The following OLFM2 variants were observed in gnomAD, a reference collection of about 807,000 sequenced individuals.
OLFM2 encodes olfactomedin 2.
OLFM2 carries 20 observed loss-of-function variants against 43.9 expected under a neutral mutation model. The observed-to-expected ratio is 0.46, with a 90% CI of 0.32 to 0.66. OLFM2 has a LOEUF of 0.66. Ranked by LOEUF, OLFM2 falls within the 30% of genes least tolerant of loss-of-function variation. OLFM2 has a pLI of 0.04. For missense variants in OLFM2, 416 were observed against 643.6 expected, an observed-to-expected ratio of 0.65 and a Z score of 3.83; for synonymous variants, 268 against 278.6, an observed-to-expected ratio of 0.96 and a Z score of 0.38.
intron 1 of OLFM2, among the ~76,000 whole-genome samples, chr19:9,914,791 T>TA (rs2046862057): frequency 6.6e-6 from 1 of 151,886 alleles, no homozygotes; most frequent in Non-Finnish European, 1.5e-5. Flanking sequence ...GGGCTAGTTT[T>TA]AATTTCCTCT....
intron 1 of OLFM2, among the ~76,000 whole-genome samples, chr19:9,894,417 A>AATG (rs1413784583): frequency 6.9e-6 from 1 of 145,122 alleles, no homozygotes; most frequent in East Asian, 2.0e-4. Context: ...AATAATAAAT[A>AATG]AATAAAATAA....
At chr19:9,908,153 T>C (rs1259772013) in intron 1 of OLFM2, among the ~76,000 whole-genome samples, 2 of 151,998 alleles carry the variant, frequency 1.3e-5, no homozygotes, top group African/African-American at 4.8e-5. Flanking sequence ...GACATGGGCC[T>C]CCTCCCTGTT....
chr19:9,906,222 A>G (rs1378058397), intron 1 of OLFM2, among the ~76,000 whole-genome samples: 2 of 151,978 alleles, frequency 1.3e-5, no homozygotes, highest in Admixed American at 1.3e-4. Context: ...TATAAATTAA[A>G]CATCGAGACA....
chr19:9,858,013 A>G lies in OLFM2; in HGVS notation c.214-152T>C, dbSNP rs1442780681. The G allele has an allele frequency of 4.4e-6, 4 of 918,914 alleles. No individual in the cohort carries two copies. In the East Asian group the frequency reaches 1.1e-4, roughly 24 times the overall value. The allele number at this position is 918,914 out of a possible 1,614,324, so 56.9% of individuals were successfully genotyped here. ...CCCCTGAGCTTACCAGCAGCCTCCC[A>G]ATTGCGTGCCCAATCCATCCATCCA... On this transcript the variant is annotated intron_variant, in intron 2 of 5. Transcript: ENST00000264833.
At chr19:9,914,147 G>A (rs540326328) in intron 1 of OLFM2, among the ~76,000 whole-genome samples, 40 of 151,954 alleles carry the variant, frequency 2.6e-4, no homozygotes, top group African/African-American at 9.2e-4. Context: ...CCCTCTTCGA[G>A]CCTGAGCCGC....
chr19:9,916,149 G>A (rs1010251986), intron 1 of OLFM2, among the ~76,000 whole-genome samples: 5 of 152,162 alleles, frequency 3.3e-5, no homozygotes, highest in African/African-American at 1.2e-4. Flanking sequence ...TTGAGGCCAG[G>A]AGTTCGAGAC....
Position 9,857,028 on chromosome 19 carries a change from G to A in OLFM2, c.581-115C>T. 1 of 961,864 alleles carries A rather than the reference G, an allele frequency of 1.0e-6. No homozygotes were observed. The highest frequency in any genetic ancestry group is 1.5e-5 in the South Asian group (1 of 66,734). The allele number at this position is 961,864 out of a possible 1,614,324, so 59.6% of individuals were successfully genotyped here. A position where few individuals can be genotyped will look rare whatever the true frequency, so the allele number is the denominator to read the frequency against. On this transcript the variant is annotated intron_variant, in intron 4 of 5. Transcript: ENST00000264833. The surrounding 1 kb of genome is among the most constrained non-coding windows in gnomAD (Gnocchi z 5.7). The stretch of plus-strand genomic sequence containing the variant: ...AAAGCTGGGACCAGGGATGAGGGAA[G>A]ACTCAAAAATCTGGTCCCAATATGT...
At chr19:9,899,898 T>C (rs1461816768) in intron 1 of OLFM2, among the ~76,000 whole-genome samples, 4 of 151,910 alleles carry the variant, frequency 2.6e-5, no homozygotes, top group African/African-American at 9.7e-5. Flanking sequence ...ACTGCGCTTA[T>C]GGCCAGATGA....
At chr19:9,860,464 C>T (rs545731982) in intron 2 of OLFM2, among the ~76,000 whole-genome samples, 181 bp downstream of exon 2, 22 of 135,962 alleles carry the variant, frequency 1.6e-4, no homozygotes. Context: ...AGAGTGAGAC[C>T]CTGTGTTAAA....
rs544653074 is a variant in OLFM2 at position 9,930,298 on chromosome 19, AT to A, written c.63+6005del. Among the ~76,000 whole-genome samples the A allele has an allele frequency of 9.9e-5, 15 of 152,224 alleles. No homozygotes were observed. In the East Asian group the frequency reaches 2.7e-3, roughly 27 times the overall value. On this transcript the variant is annotated intron_variant, in intron 1 of 5. Coordinates refer to ENST00000264833, the MANE Select transcript of OLFM2 (RefSeq NM_058164.4). ...AAAAATTTGTTTTTATTCATTATAG[AT>A]TTTTCTTGCATCAATTTAGATTTTT...
chr19:9,920,630 T>C (rs918641214), intron 1 of OLFM2, among the ~76,000 whole-genome samples: 1 of 151,898 alleles, frequency 6.6e-6, no homozygotes, highest in Non-Finnish European at 1.5e-5. Flanking sequence ...GCGCGGTGGC[T>C]CATGCCTGTA....
intron 1 of OLFM2, among the ~76,000 whole-genome samples, chr19:9,901,240 G>A (rs1320143023): frequency 1.4e-5 from 2 of 142,634 alleles, no homozygotes; most frequent in Admixed American, 6.9e-5. Context: ...AAAAAGGAAG[G>A]AAAGAAGAAA....
intron 1 of OLFM2, among the ~76,000 whole-genome samples, chr19:9,887,656 CA>C (rs1458884496): frequency 2.0e-5 from 3 of 152,022 alleles, no homozygotes; most frequent in Non-Finnish European, 4.4e-5. Flanking sequence ...CTGCTTCCCC[CA>C]CAGCAGCCAG....
chr19:9,894,197 G>A (rs2046661892), intron 1 of OLFM2, among the ~76,000 whole-genome samples: 2 of 151,610 alleles, frequency 1.3e-5, no homozygotes, highest in African/African-American at 4.8e-5. Context: ...GGAGGCTGAG[G>A]CAGGAGAACC....
At chr19:9,875,111 G>A (rs556604618) in intron 1 of OLFM2, among the ~76,000 whole-genome samples, 4 of 152,326 alleles carry the variant, frequency 2.6e-5, no homozygotes, top group Non-Finnish European at 4.4e-5. Context: ...AGTTCACGGC[G>A]AAATAAAAGC....
chr19:9,894,388 T>TAAG, intron 1 of OLFM2, among the ~76,000 whole-genome samples: 1 of 82,356 alleles, frequency 1.2e-5, no homozygotes, highest in Non-Finnish European at 2.5e-5. Context: ...ATAATAATAA[T>TAAG]AATAATAATA....
rs541106909 is a variant in OLFM2 at position 9,886,129 on chromosome 19, C to T, written c.64-25335G>A. 4.6e-5 allele frequency among the ~76,000 whole-genome samples: 7 copies of T among 151,270 alleles called. No homozygotes were observed. In the South Asian group the frequency reaches 1.0e-3, roughly 23 times the overall value. ...AAAAAAAAAAAGTGCTGGAAACTTA[C>T]GTCTCTAGTTCTGCTTCTCAGGAAC... On this transcript the variant is annotated intron_variant, in intron 1 of 5. Coordinates refer to ENST00000264833, the MANE Select transcript of OLFM2 (RefSeq NM_058164.4).
At chr19:9,918,019 C>T (rs1473762425) in intron 1 of OLFM2, among the ~76,000 whole-genome samples, 2 of 151,744 alleles carry the variant, frequency 1.3e-5, no homozygotes, top group Non-Finnish European at 2.9e-5. Flanking sequence ...GCTGGGTTTA[C>T]AGGTGCATGC....
intron 1 of OLFM2, among the ~76,000 whole-genome samples, chr19:9,908,464 A>ATTTTTTTTTTTTTTTTTTTTTT (rs34305631): frequency 5.0e-5 from 2 of 40,364 alleles, no homozygotes; most frequent in African/African-American, 2.4e-4. Flanking sequence ...CACCTGGCTA[A>ATTTTTTTTTTTTTTTTTTTTTT]TTTTTTTTTT....
Sources: allele counts gnomAD v4.1 joint callset (sites outside exome capture counted in the v4.1 genomes callset), GRCh38; gene constraint gnomAD v4.1.1; non-coding constraint Gnocchi (gnomAD v3.1); transcripts MANE v1.5; gene names NCBI Gene and HGNC (gene_info 2026-07-23, HGNC 2026-07-21).